The following IL5RA variants were observed in gnomAD, a reference collection of about 807,000 sequenced individuals.
IL5RA encodes interleukin 5 receptor subunit alpha.
Under a neutral mutation model 50.0 loss-of-function variants are expected in IL5RA, and 49 were observed. That is an observed-to-expected ratio of 0.98 (90% CI 0.78 to 1.24). The LOEUF is 1.24. Ranked by LOEUF, IL5RA falls within the 50% of genes most tolerant of loss-of-function variation. The pLI is 0.00. For synonymous variants in IL5RA, 202 were observed against 174.0 expected (o/e 1.16, Z -1.26); for missense variants, 600 against 500.4 (o/e 1.20, Z -1.90).
At position 3,092,258 on chromosome 3, in the gene IL5RA, C is replaced by T; in HGVS notation, c.960G>A (p.Gly320=). Residue 320 remains glycine (G), a synonymous_variant, in exon 9 of 12, where the codon GGG becomes GGA. Coordinates refer to ENST00000446632, the MANE Select transcript of IL5RA (RefSeq NM_175726.4). The surrounding 1 kb of genome is among the most constrained non-coding windows in gnomAD (Gnocchi z 4.2). ...AAVSSMCREA[G]LWSEWSQPIY... The stretch of plus-strand genomic sequence containing the variant: ...TAGGTTGGCTCCACTCACTCCAGAG[C>T]CCTGCCTCTCTGCACATGGAGCTCA... The T allele has an allele frequency of 6.2e-7, 1 of 1,614,130 alleles. No homozygotes were observed. The highest frequency in any genetic ancestry group is 8.5e-7 in the Non-Finnish European group (1 of 1,180,034).
chr3:3,083,045 G>C (rs1224782886), intron 9 of IL5RA, among the ~76,000 whole-genome samples: 1 of 152,194 alleles, frequency 6.6e-6, no homozygotes. Context: ...GGCACCAACA[G>C]GGTTGGATAA....
intron 8 of IL5RA, among the ~76,000 whole-genome samples, chr3:3,093,572 C>T (rs1703228943): frequency 6.6e-6 from 1 of 152,214 alleles, no homozygotes; most frequent in Non-Finnish European, 1.5e-5. Flanking sequence ...CACACACAGT[C>T]CTTCAGTGTA....
rs941561488 is a variant in IL5RA, at chr3:3,066,460, A to C, written c.*3765T>G. On this transcript the variant is annotated 3_prime_UTR_variant, in exon 12 of 12. Transcript: ENST00000446632. The stretch of plus-strand genomic sequence containing the variant: ...CCAAAGGAAGGAATGGTTTTGAAAA[A>C]ATTTGCACCCTGGTACTCAATTTGA... The C allele has an allele frequency of 4.6e-5, 7 of 152,186 alleles. No individual in the cohort carries two copies. The highest frequency in any genetic ancestry group is 1.3e-4 in the Admixed American group (2 of 15,286). The allele number at this position is 152,186 out of a possible 1,614,324, so 9.4% of individuals were successfully genotyped here.
intron 4 of IL5RA, 101 bp from the exon 5 acceptor site, chr3:3,101,931 G>A (rs1703672992): frequency 9.6e-7 from 1 of 1,036,912 alleles, no homozygotes; most frequent in Non-Finnish European, 1.4e-6. Flanking sequence ...TAAATGATTA[G>A]TAAGATGCAA....
In IL5RA at chr3:3,097,917, T is replaced by G; in HGVS notation, c.662A>C (p.His221Pro). 6.2e-7 allele frequency: 1 copy of G among 1,614,132 alleles called. No homozygotes were observed. Among genetic ancestry groups the G allele is most frequent in the Non-Finnish European group, 8.5e-7 (1 of 1,180,026 alleles). ...CTGATCAAAGGGCCTGATAGCAGAG[T>G]GCTTGCTGGAGCCGTTAACAAGCAC... ...LAVLVNGSSKHSAIRPFDQLF... is the reference protein window; with the variant it reads ...LAVLVNGSSKPSAIRPFDQLF... Residue 221 changes from histidine to proline, a missense_variant, in exon 7 of 12, where the codon CAC becomes CCC. By Grantham distance (77) the His-to-Pro change is moderately conservative. Transcript: ENST00000446632.
intron 9 of IL5RA, chr3:3,089,853 TC>T: frequency 5.8e-6 from 1 of 172,670 alleles, no homozygotes; most frequent in East Asian, 1.8e-4. Context: ...GATCTCCTGA[TC>T]TGCCCACCTC....
intron 11 of IL5RA, among the ~76,000 whole-genome samples, chr3:3,074,031 A>G (rs757645328): frequency 1.2e-4 from 19 of 152,246 alleles, no homozygotes; most frequent in Non-Finnish European, 2.6e-4. Context: ...TGCCAAGGCA[A>G]TTCACTGGGG....
rs1466744516 is a variant in IL5RA at position 3,092,418 on chromosome 3, C to T, written c.856-56G>A. ...CTCTAGACACCTAATTTAGTTCTGC[C>T]GATTATCAGAATGGGAGGTCCTATA... On this transcript the variant is annotated intron_variant, in intron 8 of 11. Transcript: ENST00000446632. This position sits in a 1 kb window ranked among gnomAD's most constrained non-coding sequence, Gnocchi z 4.2. 87 of 1,546,290 alleles carry T rather than the reference C, an allele frequency of 5.6e-5. No individual in the cohort carries two copies. The highest frequency in any genetic ancestry group is 1.8e-4 in the East Asian group (8 of 44,618).
At chr3:3,095,787 C>A (rs1703334346) in intron 7 of IL5RA, among the ~76,000 whole-genome samples, 2 of 152,096 alleles carry the variant, frequency 1.3e-5, no homozygotes, top group Admixed American at 1.3e-4. Context: ...CCAGAATAAA[C>A]CTGACCACTG....
chr3:3,096,018 C>T (rs535080386), intron 7 of IL5RA, among the ~76,000 whole-genome samples: 9 of 152,302 alleles, frequency 5.9e-5, no homozygotes, highest in African/African-American at 2.2e-4. Flanking sequence ...GGGGCTCACG[C>T]CTGTAATCCC....
chr3:3,073,628 A>G (rs979918344), intron 11 of IL5RA: 5 of 300,240 alleles, frequency 1.7e-5, no homozygotes, highest in Admixed American at 4.8e-5. Context: ...TACACTGAAA[A>G]ATCACAAACC....
At chr3:3,077,371 A>G (rs1315216274) in intron 9 of IL5RA, among the ~76,000 whole-genome samples, 1 of 152,224 alleles carries the variant, frequency 6.6e-6, no homozygotes. Flanking sequence ...TTACATATGT[A>G]TAAACGTGCC....
intron 9 of IL5RA, among the ~76,000 whole-genome samples, chr3:3,091,302 GA>G (rs763423946): frequency 9.2e-5 from 14 of 152,316 alleles, no homozygotes; most frequent in South Asian, 2.1e-4. Flanking sequence ...AGGGATAGAA[GA>G]GAGGAGAGAG....
At chr3:3,091,306 G>GGA (rs1165397761) in intron 9 of IL5RA, among the ~76,000 whole-genome samples, 1 of 152,216 alleles carries the variant, frequency 6.6e-6, no homozygotes, top group African/African-American at 2.4e-5. Flanking sequence ...ATAGAAGAGA[G>GGA]GAGAGAGAGA....
chr3:3,095,471 A>T (rs749131112), intron 7 of IL5RA, 27 bp from the exon 8 acceptor site: 1 of 1,299,976 alleles, frequency 7.7e-7, no homozygotes, highest in East Asian at 2.7e-5. Context: ...AAGATCAGTG[A>T]TTTTTTTTTT....
At chr3:3,088,617 G>A (rs1037126010) in intron 9 of IL5RA, among the ~76,000 whole-genome samples, 3 of 152,234 alleles carry the variant, frequency 2.0e-5, no homozygotes, top group East Asian at 3.9e-4. Context: ...CACCTAATAC[G>A]TTCTAAATTC....
Position 3,092,787 on chromosome 3 carries a change from T to C in IL5RA, c.856-425A>G, listed in dbSNP as rs1703185569. ...CTATTTTCTCATGAATGAGCCCTTCTTCTTTTTCCTTCTACTGATCATGGT... is the reference window on the plus strand; with the variant it reads ...CTATTTTCTCATGAATGAGCCCTTCCTCTTTTTCCTTCTACTGATCATGGT... On this transcript the variant is annotated intron_variant, in intron 8 of 11. Coordinates refer to ENST00000446632, the MANE Select transcript of IL5RA (RefSeq NM_175726.4). The surrounding 1 kb of genome is among the most constrained non-coding windows in gnomAD (Gnocchi z 4.2). 6.6e-6 allele frequency among the ~76,000 whole-genome samples: 1 copy of C among 152,232 alleles called. No individual in the cohort carries two copies. The highest frequency in any genetic ancestry group is 2.4e-5 in the African/African-American group (1 of 41,464).
chr3:3,079,835 A>G (rs1315449639), intron 9 of IL5RA, among the ~76,000 whole-genome samples: 1 of 152,148 alleles, frequency 6.6e-6, no homozygotes, highest in East Asian at 1.9e-4. Context: ...GGCGTTTGAG[A>G]CCAGCCTGGC....
chr3:3,071,601 T>A (rs1388953031), intron 11 of IL5RA, among the ~76,000 whole-genome samples: 1 of 134,480 alleles, frequency 7.4e-6, no homozygotes, highest in African/African-American at 2.9e-5. Flanking sequence ...GTGTGTATTT[T>A]TTTTTTTTGG....
Sources: allele counts gnomAD v4.1 joint callset (sites outside exome capture counted in the v4.1 genomes callset), GRCh38; gene constraint gnomAD v4.1.1; non-coding constraint Gnocchi (gnomAD v3.1); transcripts MANE v1.5; gene names NCBI Gene and HGNC (gene_info 2026-07-23, HGNC 2026-07-21).